The following ZNF385B variants were observed in gnomAD, a reference collection of about 807,000 sequenced individuals.
ZNF385B encodes the protein zinc finger protein 533.
A neutral mutation model predicts 39.2 loss-of-function variants in ZNF385B; 23 were observed. The observed-to-expected ratio is 0.59, with a 90% CI of 0.42 to 0.83. The LOEUF is 0.83. ZNF385B is among the 40% of genes least tolerant of loss of function. The pLI is 0.00. For synonymous variants in ZNF385B, 205 were observed against 222.6 expected, an observed-to-expected ratio of 0.92 and a Z score of 0.70; for missense variants, 552 against 598.9, an observed-to-expected ratio of 0.92 and a Z score of 0.82.
At chr2:179,807,109 G>A (rs756409590) in intron 1 of ZNF385B, among the ~76,000 whole-genome samples, 1 of 152,092 alleles carries the variant, frequency 6.6e-6, no homozygotes, top group African/African-American at 2.4e-5. Context: ...AGAAATGTCC[G>A]TTTCTACCAT....
At chr2:179,852,816 A>G (rs1336103543) in intron 1 of ZNF385B, among the ~76,000 whole-genome samples, 1 of 152,190 alleles carries the variant, frequency 6.6e-6, no homozygotes, top group Non-Finnish European at 1.5e-5. Context: ...GGTTAATTCC[A>G]TGAATCTGTA....
rs1321394353 is a variant in ZNF385B at position 179,446,602 on chromosome 2, T to C, written c.884A>G (p.Lys295Arg). The part of the protein sequence containing the change: ...PGTVVESEEE[K>R]AKKLLYCSLC... The stretch of plus-strand genomic sequence containing the variant: ...TGAACAATAAAGTAATTTTTTGGCT[T>C]TTTCTTCTTCTGATTCAACAACAGT... The change falls in exon 7 of 10, where the codon AAA becomes AGA. Residue 295 changes from lysine to arginine, a missense_variant. Physicochemically the swap from Lys to Arg is conservative, Grantham distance 26. Coordinates refer to ENST00000410066, the MANE Select transcript of ZNF385B (RefSeq NM_152520.6). 1.9e-6 allele frequency: 3 copies of C among 1,614,126 alleles called. No individual in the cohort carries two copies. In the Admixed American group the frequency reaches 5.0e-5, roughly 27 times the overall value.
intron 5 of ZNF385B, among the ~76,000 whole-genome samples, chr2:179,509,868 G>A (rs2105770206): frequency 6.6e-6 from 1 of 152,254 alleles, no homozygotes; most frequent in South Asian, 2.1e-4. Context: ...TATCACTACT[G>A]TGGTTATCTC....
At chr2:179,623,755 C>G (rs1056863369) in intron 3 of ZNF385B, among the ~76,000 whole-genome samples, 4 of 152,172 alleles carry the variant, frequency 2.6e-5, no homozygotes, top group African/African-American at 9.7e-5. Context: ...GAACCTGGTT[C>G]TGCAGGCTTC....
chr2:179,749,456 G>T (rs1335834611), intron 3 of ZNF385B, among the ~76,000 whole-genome samples: 2 of 152,078 alleles, frequency 1.3e-5, no homozygotes, highest in African/African-American at 4.8e-5. Context: ...ACCATTAGGT[G>T]CCAAGGACAT....
intron 3 of ZNF385B, among the ~76,000 whole-genome samples, chr2:179,696,387 C>T (rs1336534693): frequency 9.7e-6 from 1 of 102,964 alleles, no homozygotes; most frequent in Non-Finnish European, 1.8e-5. Context: ...TGACTCACCT[C>T]TAACCTCACC....
intron 5 of ZNF385B, among the ~76,000 whole-genome samples, chr2:179,511,122 G>T (rs1191693571): frequency 6.6e-6 from 1 of 152,188 alleles, no homozygotes; most frequent in African/African-American, 2.4e-5. Flanking sequence ...GCAGGGACTT[G>T]CTGCCTCATG....
At chr2:179,648,307 A>G (rs952867320) in intron 3 of ZNF385B, among the ~76,000 whole-genome samples, 8 of 152,110 alleles carry the variant, frequency 5.3e-5, no homozygotes, top group African/African-American at 1.9e-4. Flanking sequence ...GTGTTGATCA[A>G]TTTCATAAAT....
At chr2:179,481,788 A>G (rs1464258495) in intron 6 of ZNF385B, among the ~76,000 whole-genome samples, 1 of 152,222 alleles carries the variant, frequency 6.6e-6, no homozygotes, top group Non-Finnish European at 1.5e-5. Context: ...AAACGAAACC[A>G]GGCAAGAAGT....
chr2:179,590,522 G>A (rs150630165), intron 3 of ZNF385B, among the ~76,000 whole-genome samples: 4,599 of 152,176 alleles, frequency 0.03, 93 homozygotes, highest in Middle Eastern at 0.041. Flanking sequence ...CTGCACTCCT[G>A]AGAATTTTAC....
chr2:179,829,552 C>G (rs899915339), intron 1 of ZNF385B, among the ~76,000 whole-genome samples: 1 of 151,880 alleles, frequency 6.6e-6, no homozygotes. Flanking sequence ...CTTGCTCTGT[C>G]GCCCAGGCTG....
intron 3 of ZNF385B, among the ~76,000 whole-genome samples, chr2:179,707,922 G>T (rs1381760154): frequency 2.6e-5 from 4 of 152,178 alleles, no homozygotes; most frequent in African/African-American, 9.7e-5. Context: ...CTCAAGTTCA[G>T]CCCACTACCC....
chr2:179,506,500 T>C (rs2057267854), intron 5 of ZNF385B, among the ~76,000 whole-genome samples: 1 of 152,166 alleles, frequency 6.6e-6, no homozygotes, highest in African/African-American at 2.4e-5. Context: ...GTATAATTAA[T>C]AGTTATCTAA....
intron 6 of ZNF385B, among the ~76,000 whole-genome samples, chr2:179,454,252 T>C (rs2050449997): frequency 6.6e-6 from 1 of 152,170 alleles, no homozygotes; most frequent in Non-Finnish European, 1.5e-5. Flanking sequence ...CATAAGATTA[T>C]AAAGGAGCTG....
At chr2:179,676,246 A>ACCCGGCTAATTTTCACG (rs1192847815) in intron 3 of ZNF385B, among the ~76,000 whole-genome samples, 2 of 151,036 alleles carry the variant, frequency 1.3e-5, no homozygotes, top group East Asian at 3.9e-4. Flanking sequence ...CCACCAACAC[A>ACCCGGCTAATTTTCACG]CCCGGCTAAT....
chr2:179,698,573 C>T (rs1020372264), intron 3 of ZNF385B, among the ~76,000 whole-genome samples: 14 of 151,972 alleles, frequency 9.2e-5, no homozygotes, highest in Non-Finnish European at 1.8e-4. Flanking sequence ...AATATATTAC[C>T]TAGAAATGAA....
chr2:179,803,822 C>A (rs1007706703), intron 1 of ZNF385B, among the ~76,000 whole-genome samples: 2 of 152,038 alleles, frequency 1.3e-5, no homozygotes, highest in African/African-American at 4.8e-5. Flanking sequence ...AACTAAATAT[C>A]CAACTTAGTT....
intron 3 of ZNF385B, among the ~76,000 whole-genome samples, chr2:179,605,152 T>C (rs1688702276): frequency 6.6e-6 from 1 of 152,182 alleles, no homozygotes; most frequent in Admixed American, 6.5e-5. Flanking sequence ...TTTTGACATG[T>C]TAAATGTTAA....
intron 6 of ZNF385B, among the ~76,000 whole-genome samples, chr2:179,455,361 T>C (rs938684803): frequency 1.3e-5 from 2 of 151,970 alleles, no homozygotes; most frequent in African/African-American, 4.8e-5. Context: ...TGGGAGGTAA[T>C]TGAATCATGG....
Sources: gnomAD v4.1 joint callset for allele counts (sites outside exome capture counted in the v4.1 genomes callset) on GRCh38, gnomAD v4.1.1 for gene constraint, MANE v1.5 for transcripts, NCBI Gene and HGNC (gene_info 2026-07-23, HGNC 2026-07-21) for gene names.